COL4A3: variants seen among roughly 807,000 people sequenced by gnomAD.
COL4A3 encodes collagen alpha-3(IV) chain.
Under a neutral mutation model 217.4 loss-of-function variants are expected in COL4A3, and 135 were observed. The observed-to-expected ratio is 0.62, with a 90% CI of 0.54 to 0.72. COL4A3 has a LOEUF of 0.72. COL4A3 is among the 30% of genes least tolerant of loss of function. The pLI, the probability that COL4A3 is intolerant of heterozygous loss-of-function variation, is 0.00. For synonymous variants in COL4A3, 690 were observed against 736.3 expected (o/e 0.94, Z 1.02); for missense variants, 1,868 against 2,119.9 (o/e 0.88, Z 2.33).
intron 24 of COL4A3, 98 bp from the exon 25 acceptor site, chr2:227,270,672 T>C: frequency 8.3e-7 from 1 of 1,208,162 alleles, no homozygotes; most frequent in Non-Finnish European, 1.2e-6. Flanking sequence ...AAAAAATTCA[T>C]GTTAAAATTG....
intron 1 of COL4A3, 179 bp from the exon 2 acceptor site, chr2:227,237,789 A>C: frequency 1.7e-6 from 1 of 581,398 alleles, no homozygotes; most frequent in Admixed American, 2.3e-5. Context: ...TCAGTTTTCT[A>C]CTTTATTGCT....
intron 1 of COL4A3, among the ~76,000 whole-genome samples, chr2:227,198,357 T>A (rs1288545587): frequency 6.6e-6 from 1 of 152,222 alleles, no homozygotes; most frequent in Admixed American, 6.5e-5. Context: ...CAAATGCCGA[T>A]TTTCCAAATT....
intron 1 of COL4A3, among the ~76,000 whole-genome samples, chr2:227,196,361 A>G (rs76390925): frequency 1.3e-5 from 2 of 150,946 alleles, no homozygotes; most frequent in African/African-American, 4.9e-5. Context: ...TCTGTCGCCC[A>G]GGCTGGAGTG....
intron 1 of COL4A3, among the ~76,000 whole-genome samples, chr2:227,230,868 C>G (rs1031354204): frequency 6.6e-6 from 1 of 152,194 alleles, no homozygotes; most frequent in Admixed American, 6.5e-5. Flanking sequence ...TCTACAGCAG[C>G]AGCTGAACAG....
intron 37 of COL4A3, among the ~76,000 whole-genome samples, chr2:227,291,487 T>C (rs926138400): frequency 1.5e-5 from 2 of 136,636 alleles, no homozygotes; most frequent in Admixed American, 8.0e-5. Context: ...GGCATGAACC[T>C]GGGAGGCGGA....
At position 227,294,148 on chromosome 2, in the gene COL4A3, G is replaced by C. The variant is rs902142285; in HGVS notation, c.3338-342G>C. ...TATTAAAAACAACTGTGAAACTATC[G>C]GGTTGCAGATTCAGGTCTTACTTAA... On this transcript the variant is annotated intron_variant, in intron 38 of 51. Coordinates refer to ENST00000396578, the MANE Select transcript of COL4A3 (RefSeq NM_000091.5). 6 of 303,794 alleles carry C rather than the reference G, an allele frequency of 2.0e-5. No homozygotes were observed. The Admixed American group carries it at 2.4e-4, about 12-fold the overall frequency. The allele number at this position is 303,794 out of a possible 1,614,324, so 18.8% of individuals were successfully genotyped here.
chr2:227,280,079 T>C (rs1208449730), intron 29 of COL4A3, among the ~76,000 whole-genome samples, 189 bp downstream of exon 29: 2 of 152,216 alleles, frequency 1.3e-5, no homozygotes, highest in Non-Finnish European at 2.9e-5. Context: ...ACATAAGGTG[T>C]CAGAATGCAG....
At chr2:227,244,149 A>C (rs1237887722) in intron 3 of COL4A3, among the ~76,000 whole-genome samples, 171 bp from the exon 4 acceptor site, 2 of 152,220 alleles carry the variant, frequency 1.3e-5, no homozygotes, top group African/African-American at 4.8e-5. Flanking sequence ...TTTCTGATAA[A>C]CAATTATCAA....
chr2:227,171,290 C>G (rs2065464242), intron 1 of COL4A3, among the ~76,000 whole-genome samples: 1 of 152,132 alleles, frequency 6.6e-6, no homozygotes, highest in African/African-American at 2.4e-5. Context: ...TATTTTGGTT[C>G]TGCCTGTTCT....
intron 34 of COL4A3, among the ~76,000 whole-genome samples, chr2:227,288,828 C>T (rs942021920): frequency 1.3e-5 from 2 of 152,136 alleles, no homozygotes; most frequent in African/African-American, 4.8e-5. Context: ...CCAAATCCGC[C>T]CATGCTCTTA....
chr2:227,272,568 G>C (rs1007859144), intron 25 of COL4A3, among the ~76,000 whole-genome samples: 7 of 152,208 alleles, frequency 4.6e-5, no homozygotes, highest in African/African-American at 1.4e-4. Context: ...GGTGAAACCA[G>C]AAATAAAGGT....
Position 227,280,557 on chromosome 2 carries a change from A to T in COL4A3, c.2341A>T (p.Thr781Ser). 6.2e-7 allele frequency: 1 copy of T among 1,613,862 alleles called. No individual in the cohort carries two copies. Among genetic ancestry groups the T allele is most frequent in the Non-Finnish European group, 8.5e-7 (1 of 1,179,922 alleles). The change falls in exon 30 of 52, where the codon ACT becomes TCT. Residue 781 changes from threonine to serine, a missense_variant. Coordinates refer to ENST00000396578, the MANE Select transcript of COL4A3 (RefSeq NM_000091.5). Reference protein sequence around the residue: ...GLPGLPGLPGTPGNEGLDGPR... With the variant: ...GLPGLPGLPGSPGNEGLDGPR... The stretch of plus-strand genomic sequence containing the variant: ...CCCTGGACTTCCAGGTCTCCCTGGA[A>T]CTCCAGGAAATGAAGGGCTTGATGG...
chr2:227,290,114 C>CTTGTGGG, intron 36 of COL4A3, 26 bp downstream of exon 36: 1 of 1,598,924 alleles, frequency 6.3e-7, no homozygotes, highest in Non-Finnish European at 8.6e-7. Context: ...CTGTTATGAG[C>CTTGTGGG]CCACAAGCTC....
intron 43 of COL4A3, 131 bp from the exon 44 acceptor site, chr2:227,302,907 T>A: frequency 1.5e-6 from 1 of 672,974 alleles, no homozygotes; most frequent in Non-Finnish European, 2.7e-6. Flanking sequence ...AAGATAAAAA[T>A]GATGTCTGCT....
chr2:227,230,451 A>C (rs933961444), intron 1 of COL4A3, among the ~76,000 whole-genome samples: 3 of 152,158 alleles, frequency 2.0e-5, no homozygotes, highest in African/African-American at 7.2e-5. Flanking sequence ...TTATTGCTGG[A>C]AGGAGAAAAA....
At chr2:227,169,384 A>C (rs1218130077) in intron 1 of COL4A3, 1 of 150,850 alleles carries the variant, frequency 6.6e-6, no homozygotes, top group Non-Finnish European at 1.5e-5. Context: ...AGCATGATTC[A>C]TAATCCTTTG....
At chr2:227,188,225 T>TA (rs200780338) in intron 1 of COL4A3, among the ~76,000 whole-genome samples, 10,569 of 148,430 alleles carry the variant, frequency 0.071, 406 homozygotes, top group Admixed American at 0.1. Flanking sequence ...AAGGACTTTG[T>TA]AAAAAAAAAA....
At chr2:227,180,942 T>G (rs2065850359) in intron 1 of COL4A3, among the ~76,000 whole-genome samples, 1 of 152,226 alleles carries the variant, frequency 6.6e-6, no homozygotes, top group South Asian at 2.1e-4. Context: ...CTGCTGGTAT[T>G]TTCTAATAAC....
Position 227,253,332 on chromosome 2 carries a change from G to T in COL4A3, c.682G>T (p.Glu228Ter). ...MGERVIGHKG[E>*]RGVKGLTGPP... The stretch of plus-strand genomic sequence containing the variant: ...TGAAAGAGTGATAGGACATAAAGGA[G>T]AGCGGGTAATTTAAATACTATGTTT... Residue 228 changes from glutamate (E) to a stop codon, truncating the protein, a stop_gained, in exon 12 of 52, where the codon GAG (glutamate) becomes TAG (stop). Coordinates refer to ENST00000396578, the MANE Select transcript of COL4A3 (RefSeq NM_000091.5). LOFTEE classifies it high-confidence loss of function. This position sits in a 1 kb window ranked among gnomAD's most constrained non-coding sequence, Gnocchi z 4.4. 1 of 1,613,748 alleles carries T rather than the reference G, an allele frequency of 6.2e-7. No individual in the cohort carries two copies. Among genetic ancestry groups the T allele is most frequent in the Non-Finnish European group, 8.5e-7 (1 of 1,179,656 alleles).
Sources: allele counts gnomAD v4.1 joint callset (sites outside exome capture counted in the v4.1 genomes callset), GRCh38; gene constraint gnomAD v4.1.1; non-coding constraint Gnocchi (gnomAD v3.1); transcripts MANE v1.5; gene names NCBI Gene and HGNC (gene_info 2026-07-23, HGNC 2026-07-21).